OSBPL9: variants seen among roughly 807,000 people sequenced by gnomAD.
OSBPL9 encodes the protein oxysterol binding protein like 9.
Under a neutral mutation model 106.6 loss-of-function variants are expected in OSBPL9, and 40 were observed. That is an observed-to-expected ratio of 0.38 (90% CI 0.29 to 0.49). OSBPL9 has a LOEUF of 0.49. Ranked by LOEUF, OSBPL9 falls within the 20% of genes least tolerant of loss-of-function variation. The probability of loss-of-function intolerance (pLI) is 0.97; values close to 1 mark genes in which losing one functional copy is unlikely to be tolerated. For missense variants in OSBPL9, 609 were observed against 887.2 expected, an observed-to-expected ratio of 0.69 and a Z score of 3.98; for synonymous variants, 269 against 295.4, an observed-to-expected ratio of 0.91 and a Z score of 0.92.
At chr1:51,629,262 T>C (rs1644960668) in intron 1 of OSBPL9, among the ~76,000 whole-genome samples, 1 of 152,228 alleles carries the variant, frequency 6.6e-6, no homozygotes, top group Non-Finnish European at 1.5e-5. Context: ...TTGCTTATTG[T>C]CTGTTTCTGT....
Position 51,784,561 on chromosome 1 carries a change from A to C in OSBPL9, c.1808A>C (p.His603Pro). The C allele has an allele frequency of 6.2e-7, 1 of 1,614,136 alleles. No individual in the cohort carries two copies. The highest frequency in any genetic ancestry group is 8.5e-7 in the Non-Finnish European group (1 of 1,179,982). Residue 603 changes from histidine (H) to proline (P), a missense_variant, in exon 20 of 24, where the codon CAC (histidine) becomes CCC (proline). His to Pro is a moderately conservative substitution (Grantham distance 77, BLOSUM62 -2). Transcript: ENST00000428468. ...HTKPFYGGKK[H>P]RITAEIFSPN... ...AAACCCTTCTATGGGGGCAAGAAGC[A>C]CAGAATTACTGCCGAGATTTTGTAG...
At chr1:51,627,174 TTTA>T (rs1644816596) in intron 1 of OSBPL9, among the ~76,000 whole-genome samples, 1 of 152,134 alleles carries the variant, frequency 6.6e-6, no homozygotes, top group Non-Finnish European at 1.5e-5. Flanking sequence ...GGCTACTTTT[TTTA>T]TTTGTAGAGG....
intron 2 of OSBPL9, among the ~76,000 whole-genome samples, chr1:51,598,344 G>T (rs756990132): frequency 2.0e-5 from 3 of 152,268 alleles, no homozygotes; most frequent in African/African-American, 4.8e-5. Context: ...GGCCGAATTG[G>T]CCCAGGCCTT....
intron 2 of OSBPL9, among the ~76,000 whole-genome samples, chr1:51,605,795 A>G (rs747151636): frequency 6.6e-5 from 10 of 152,190 alleles, no homozygotes; most frequent in Non-Finnish European, 8.8e-5. Flanking sequence ...AGCCTGGCCA[A>G]CATAGTGAAA....
intron 8 of OSBPL9, among the ~76,000 whole-genome samples, chr1:51,755,801 C>T (rs1670214450): frequency 6.6e-6 from 1 of 152,206 alleles, no homozygotes; most frequent in Non-Finnish European, 1.5e-5. Context: ...GGGAGGTAAA[C>T]TCCATTGTAA....
intron 1 of OSBPL9, among the ~76,000 whole-genome samples, chr1:51,646,883 C>G (rs1646189641): frequency 6.6e-6 from 1 of 152,148 alleles, no homozygotes; most frequent in African/African-American, 2.4e-5. Flanking sequence ...AACAGAAATA[C>G]TTTAAACTCT....
chr1:51,607,254 TG>T (rs1421749972), intron 2 of OSBPL9, among the ~76,000 whole-genome samples: 1 of 149,544 alleles, frequency 6.7e-6, no homozygotes, highest in Non-Finnish European at 1.5e-5. Context: ...CTCCCTCTCC[TG>T]GATTCAAGTG....
intron 4 of OSBPL9, among the ~76,000 whole-genome samples, chr1:51,738,288 T>C (rs1324514202): frequency 2.0e-5 from 3 of 152,202 alleles, no homozygotes; most frequent in East Asian, 3.9e-4. Flanking sequence ...AGGGTTATGA[T>C]TGAAGTTCTT....
At chr1:51,589,155 C>T (rs1372077170) in intron 1 of OSBPL9, among the ~76,000 whole-genome samples, 2 of 152,000 alleles carry the variant, frequency 1.3e-5, no homozygotes, top group East Asian at 3.9e-4. Flanking sequence ...GTGGCACGAT[C>T]TCAACTCACT....
chr1:51,711,875 C>G (rs1660066945), intron 3 of OSBPL9, among the ~76,000 whole-genome samples: 1 of 151,298 alleles, frequency 6.6e-6, no homozygotes, highest in Non-Finnish European at 1.5e-5. Flanking sequence ...AAGAGGCGCT[C>G]CTCACTTCCT....
intron 12 of OSBPL9, among the ~76,000 whole-genome samples, chr1:51,767,269 T>C (rs1219350222): frequency 1.3e-5 from 2 of 151,710 alleles, no homozygotes; most frequent in East Asian, 3.9e-4. Flanking sequence ...GGCACACGCC[T>C]GTCGTCCTAG....
At chr1:51,592,779 A>G (rs1056017045) in intron 1 of OSBPL9, among the ~76,000 whole-genome samples, 4 of 152,132 alleles carry the variant, frequency 2.6e-5, no homozygotes, top group African/African-American at 9.7e-5. Flanking sequence ...CTAAATATTT[A>G]TTGATAATAC....
In OSBPL9 at chr1:51,641,901, C is replaced by T. The variant is rs149193810; in HGVS notation, c.112-10090C>T. Among the ~76,000 whole-genome samples, 461 of 152,218 alleles carry T rather than the reference C, an allele frequency of 3.0e-3. 1 individual carries two copies. The highest frequency in any genetic ancestry group is 0.011 in the African/African-American group (445 of 41,542). ...TGTTTGCTGCCTAGATCTAGGCACA[C>T]AGTATTGATTAGAATGTTTGGAATC... On this transcript the variant is annotated intron_variant, in intron 1 of 23. Coordinates refer to ENST00000428468, the MANE Select transcript of OSBPL9 (RefSeq NM_024586.6).
At chr1:51,584,987 C>G (rs907517694) in intron 1 of OSBPL9, among the ~76,000 whole-genome samples, 7 of 151,998 alleles carry the variant, frequency 4.6e-5, no homozygotes, top group African/African-American at 1.7e-4. Flanking sequence ...CTAAGATTTA[C>G]CTTTCTGGAG....
At chr1:51,761,761 T>G in intron 10 of OSBPL9, 106 bp from the exon 11 acceptor site, 1 of 850,896 alleles carries the variant, frequency 1.2e-6, no homozygotes, top group Non-Finnish European at 2.0e-6. Flanking sequence ...GAAATAAAGT[T>G]TCAAAAATTA....
chr1:51,674,626 G>T (rs1650731822), intron 3 of OSBPL9, among the ~76,000 whole-genome samples: 1 of 152,210 alleles, frequency 6.6e-6, no homozygotes, highest in Non-Finnish European at 1.5e-5. Context: ...TAACGGCTAG[G>T]CAGATAAGTA....
At chr1:51,738,977 G>A (rs1479403131) in intron 4 of OSBPL9, among the ~76,000 whole-genome samples, 1 of 151,892 alleles carries the variant, frequency 6.6e-6, no homozygotes, top group Non-Finnish European at 1.5e-5. Context: ...GTAACCTTGA[G>A]TAGTTTATTA....
chr1:51,536,582 G>A, the OSBPL9 span, among the ~76,000 whole-genome samples: 2 of 152,092 alleles, frequency 1.3e-5, no homozygotes, highest in African/African-American at 4.8e-5. Flanking sequence ...GCTTCCCAAA[G>A]TGCTGGAATT....
At chr1:51,601,058 C>A (rs1005980369) in intron 2 of OSBPL9, among the ~76,000 whole-genome samples, 1 of 152,154 alleles carries the variant, frequency 6.6e-6, no homozygotes, top group Non-Finnish European at 1.5e-5. Flanking sequence ...TCCCACTTAA[C>A]TGCAGCTGTA....
Sources: allele counts gnomAD v4.1 joint callset (sites outside exome capture counted in the v4.1 genomes callset), GRCh38; gene constraint gnomAD v4.1.1; transcripts MANE v1.5; gene names NCBI Gene and HGNC (gene_info 2026-07-23, HGNC 2026-07-21).